The following HS3ST4 variants were observed in gnomAD, a reference collection of about 807,000 sequenced individuals.
The protein encoded by HS3ST4 is heparan sulfate glucosamine 3-O-sulfotransferase 4.
HS3ST4 carries 17 observed loss-of-function variants against 29.2 expected under a neutral mutation model. The observed-to-expected ratio is 0.58, with a 90% confidence interval of 0.40 to 0.87. HS3ST4 has a LOEUF of 0.87. Ranked by LOEUF, HS3ST4 falls within the 40% of genes least tolerant of loss-of-function variation. HS3ST4 has a pLI of 0.00. For synonymous variants in HS3ST4, 314 were observed against 285.7 expected (o/e 1.10, Z -1.00); for missense variants, 627 against 634.5 (o/e 0.99, Z 0.13).
chr16:25,874,470 A>G (rs1482295949), intron 1 of HS3ST4, among the ~76,000 whole-genome samples: 1 of 152,184 alleles, frequency 6.6e-6, no homozygotes, highest in Non-Finnish European at 1.5e-5. Context: ...AAAAAAACAG[A>G]GAAAGACTCA....
chr16:25,703,381 G>A (rs774921468), intron 1 of HS3ST4, among the ~76,000 whole-genome samples: 3 of 152,254 alleles, frequency 2.0e-5, no homozygotes, highest in Non-Finnish European at 4.4e-5. Flanking sequence ...GCTTGGCTCC[G>A]AGTATTGAAT....
intron 1 of HS3ST4, among the ~76,000 whole-genome samples, chr16:25,709,085 T>C (rs1371040061): frequency 2.0e-5 from 3 of 149,312 alleles, no homozygotes; most frequent in Non-Finnish European, 3.0e-5. Flanking sequence ...ATTGGGGATA[T>C]CTTTTTTTTT....
intron 1 of HS3ST4, among the ~76,000 whole-genome samples, chr16:26,082,437 C>G (rs1406357639): frequency 6.6e-6 from 1 of 152,178 alleles, no homozygotes; most frequent in Non-Finnish European, 1.5e-5. Flanking sequence ...TTTAAGGGAG[C>G]AAGTGATAGG....
chr16:25,825,196 A>C (rs1967203007), intron 1 of HS3ST4, among the ~76,000 whole-genome samples: 1 of 152,146 alleles, frequency 6.6e-6, no homozygotes, highest in African/African-American at 2.4e-5. Flanking sequence ...GGATTTCAGC[A>C]ACCACCGGAA....
At chr16:25,817,930 G>A (rs72778990) in intron 1 of HS3ST4, among the ~76,000 whole-genome samples, 27,305 of 152,042 alleles carry the variant, frequency 0.18, 3,026 homozygotes, top group Non-Finnish European at 0.25. Context: ...CAGACTGTAT[G>A]TCACTGGAAG....
intron 1 of HS3ST4, among the ~76,000 whole-genome samples, chr16:25,740,518 C>T (rs1185329124): frequency 1.3e-5 from 2 of 152,110 alleles, no homozygotes; most frequent in Non-Finnish European, 2.9e-5. Context: ...CCAGGTGAGA[C>T]GAGTAGAAGG....
intron 1 of HS3ST4, among the ~76,000 whole-genome samples, chr16:26,111,995 G>A (rs539942837): frequency 2.1e-4 from 30 of 139,906 alleles, no homozygotes; most frequent in African/African-American, 7.4e-4. Context: ...CCAGCCCGGC[G>A]ACAGAGTGAG....
chr16:25,792,738 A>G (rs540597407), intron 1 of HS3ST4, among the ~76,000 whole-genome samples: 1 of 151,322 alleles, frequency 6.6e-6, no homozygotes, highest in Non-Finnish European at 1.5e-5. Context: ...TTAGGTGTTT[A>G]TCAATTTTGT....
intron 1 of HS3ST4, among the ~76,000 whole-genome samples, chr16:25,914,729 G>A (rs529223404): frequency 2.2e-4 from 34 of 151,860 alleles, no homozygotes; most frequent in African/African-American, 8.0e-4. Flanking sequence ...TTAGCCAGAG[G>A]GAGATGAGAG....
intron 1 of HS3ST4, among the ~76,000 whole-genome samples, chr16:25,822,429 G>A (rs1450855735): frequency 6.6e-6 from 1 of 152,016 alleles, no homozygotes; most frequent in Non-Finnish European, 1.5e-5. Context: ...AATTTTGGGG[G>A]GACACAAATA....
intron 1 of HS3ST4, among the ~76,000 whole-genome samples, chr16:25,904,496 C>G (rs1374141284): frequency 6.6e-6 from 1 of 152,122 alleles, no homozygotes; most frequent in Non-Finnish European, 1.5e-5. Flanking sequence ...GCATAAATCT[C>G]TTCTTTAGTT....
At chr16:25,735,874 C>T (rs1966605630) in intron 1 of HS3ST4, among the ~76,000 whole-genome samples, 1 of 152,196 alleles carries the variant, frequency 6.6e-6, no homozygotes, top group African/African-American at 2.4e-5. Flanking sequence ...ATCAGCCTGC[C>T]TCAGACAATG....
intron 1 of HS3ST4, among the ~76,000 whole-genome samples, chr16:25,737,873 T>C (rs1966621062): frequency 6.6e-6 from 1 of 151,604 alleles, no homozygotes; most frequent in Non-Finnish European, 1.5e-5. Context: ...TTTCCTGATA[T>C]TGTGAGGAAA....
intron 1 of HS3ST4, among the ~76,000 whole-genome samples, chr16:25,807,987 T>A (rs1023558195): frequency 2.0e-5 from 3 of 152,170 alleles, no homozygotes; most frequent in African/African-American, 7.2e-5. Flanking sequence ...ATTGTTTGAT[T>A]TTTAATATTG....
intron 1 of HS3ST4, among the ~76,000 whole-genome samples, chr16:25,828,294 TTCTTTCCC>T (rs1172541326): frequency 2.7e-4 from 12 of 45,124 alleles, no homozygotes; most frequent in African/African-American, 3.8e-4. Context: ...CTTTCTTTCT[TTCTTTCCC>T]TCTCTCTCTC....
chr16:25,814,869 CA>C (rs1326035777), intron 1 of HS3ST4, among the ~76,000 whole-genome samples: 1 of 152,176 alleles, frequency 6.6e-6, no homozygotes, highest in Non-Finnish European at 1.5e-5. Context: ...GCCACAAATT[CA>C]GGAAGGCATA....
intron 1 of HS3ST4, among the ~76,000 whole-genome samples, chr16:25,915,058 C>T (rs1054978500): frequency 4.6e-5 from 7 of 151,792 alleles, no homozygotes; most frequent in African/African-American, 1.5e-4. Flanking sequence ...ATGCCAGTGG[C>T]ATTCACTCAG....
chr16:25,932,842 T>C (rs538423831), intron 1 of HS3ST4, among the ~76,000 whole-genome samples: 2 of 152,224 alleles, frequency 1.3e-5, no homozygotes, highest in Non-Finnish European at 2.9e-5. Flanking sequence ...TCAGTTCAGC[T>C]TGGTTTCTAA....
intron 1 of HS3ST4, among the ~76,000 whole-genome samples, chr16:25,863,214 GCCAGGA>G (rs2141655784): frequency 6.6e-6 from 1 of 152,158 alleles, no homozygotes; most frequent in African/African-American, 2.4e-5. Context: ...CTCCCGAGTA[GCCAGGA>G]CTACAGGGGT....
Sources: allele counts gnomAD v4.1 joint callset (sites outside exome capture counted in the v4.1 genomes callset), GRCh38; gene constraint gnomAD v4.1.1; transcripts MANE v1.5; gene names NCBI Gene and HGNC (gene_info 2026-07-23, HGNC 2026-07-21).